The following USP8 variants were observed in gnomAD, a reference collection of about 807,000 sequenced individuals.
USP8 encodes ubiquitin specific peptidase 8, also known as ubiquitin carboxyl-terminal hydrolase 8.
Under a neutral mutation model 130.0 loss-of-function variants are expected in USP8, and 27 were observed. The observed-to-expected ratio is 0.21, with a 90% CI of 0.15 to 0.29. The LOEUF is 0.29. Ranked by LOEUF, USP8 falls within the 10% of genes least tolerant of loss-of-function variation. The pLI is 1.00. For missense variants in USP8, 1,029 were observed against 1,312.2 expected (o/e 0.78, Z 3.33); for synonymous variants, 392 against 444.1 (o/e 0.88, Z 1.48).
At chr15:50,486,939 C>T (rs938293361) in intron 12 of USP8, among the ~76,000 whole-genome samples, 4 of 152,012 alleles carry the variant, frequency 2.6e-5, no homozygotes, top group Non-Finnish European at 5.9e-5. Flanking sequence ...TCGAGACCAG[C>T]CTGGCCAACA....
chr15:50,475,628 G>A (rs2051541818), intron 8 of USP8, among the ~76,000 whole-genome samples: 1 of 151,856 alleles, frequency 6.6e-6, no homozygotes, highest in African/African-American at 2.4e-5. Context: ...TCGAGATGAA[G>A]TCTCACTCTT....
chr15:50,462,214 G>T (rs2051031734), intron 5 of USP8, 66 bp from the exon 6 acceptor site: 3 of 1,366,624 alleles, frequency 2.2e-6, no homozygotes, highest in Admixed American at 2.0e-5. Flanking sequence ...AGAAGTAAAT[G>T]AAGTATTAAA....
chr15:50,474,649 C>A (rs1005126389), intron 8 of USP8, among the ~76,000 whole-genome samples: 2 of 152,132 alleles, frequency 1.3e-5, no homozygotes, highest in African/African-American at 4.8e-5. Context: ...ACTGCCCAGC[C>A]AGTAAATAAA....
intron 17 of USP8, among the ~76,000 whole-genome samples, chr15:50,496,325 C>CA (rs1185405083): frequency 1.3e-5 from 2 of 151,740 alleles, no homozygotes; most frequent in Non-Finnish European, 2.9e-5. Flanking sequence ...ACTAAAAATA[C>CA]AAAAAATTAG....
rs1381398703 is a variant in USP8, at chr15:50,479,763, TTTTC to T, written c.1219-1714_1219-1711del. 7.2e-5 allele frequency among the ~76,000 whole-genome samples: 11 copies of T among 152,094 alleles called. No homozygotes were observed. The South Asian group carries it at 2.3e-3, about 32-fold the overall frequency. ...CTACACTAACCTCGTTTTCTTTTTC[TTTTC>T]TTTTTTTTTTGAAAACGGTCTCACT... On this transcript the variant is annotated intron_variant, in intron 10 of 19. Coordinates refer to ENST00000307179, the MANE Select transcript of USP8 (RefSeq NM_005154.5).
chr15:50,439,240 TA>T, intron 2 of USP8, 63 bp downstream of exon 2: 1 of 1,039,096 alleles, frequency 9.6e-7, no homozygotes, highest in South Asian at 1.9e-5. Flanking sequence ...GTTTCCATAT[TA>T]AAGTTAGATG....
At chr15:50,473,025 C>T (rs1285477892) in intron 8 of USP8, among the ~76,000 whole-genome samples, 5 of 152,052 alleles carry the variant, frequency 3.3e-5, no homozygotes, top group African/African-American at 1.2e-4. Flanking sequence ...AAGAAAAATA[C>T]TTAAGATAAA....
In USP8 at chr15:50,496,094, A is replaced by G. The variant is rs1364037324; in HGVS notation, c.2895+10A>G. 3.2e-6 allele frequency: 5 copies of G among 1,563,286 alleles called. No individual in the cohort carries two copies. The highest frequency in any genetic ancestry group is 4.4e-6 in the Non-Finnish European group (5 of 1,145,220). ...TAAATGTACATTACAGGTAAGTTTA[A>G]GAAGTAGAGAGAAAATGATTTATTG... On this transcript the variant is annotated intron_variant, in intron 17 of 19. Coordinates refer to ENST00000307179, the MANE Select transcript of USP8 (RefSeq NM_005154.5).
intron 10 of USP8, among the ~76,000 whole-genome samples, chr15:50,479,817 G>GGAGT (rs1310132674): frequency 6.6e-6 from 1 of 151,584 alleles, no homozygotes; most frequent in Non-Finnish European, 1.5e-5. Context: ...GGAGTGCAGT[G>GGAGT]GCGTGATCAC....
At chr15:50,496,384 G>T (rs1338002530) in intron 17 of USP8, among the ~76,000 whole-genome samples, 1 of 151,484 alleles carries the variant, frequency 6.6e-6, no homozygotes, top group Non-Finnish European at 1.5e-5. Flanking sequence ...AGGAGGCTGA[G>T]GCAGGAGAAT....
At chr15:50,493,116 CA>C (rs2052241618) in intron 15 of USP8, 1 of 652,764 alleles carries the variant, frequency 1.5e-6, no homozygotes, top group South Asian at 1.5e-5. Flanking sequence ...TTTTTTGCTG[CA>C]TCCTCACAGG....
intron 3 of USP8, among the ~76,000 whole-genome samples, chr15:50,446,365 C>T (rs1004607328): frequency 6.8e-6 from 1 of 146,616 alleles, no homozygotes; most frequent in Non-Finnish European, 1.5e-5. Context: ...ACAGACATGC[C>T]CAACCATAAA....
intron 1 of USP8, chr15:50,432,535 A>G (rs949098690): frequency 6.6e-6 from 1 of 152,172 alleles, no homozygotes; most frequent in South Asian, 2.1e-4. Context: ...TCTGTCACAA[A>G]CTTCTTATTT....
intron 18 of USP8, 76 bp from the exon 19 acceptor site, chr15:50,498,520 A>T: frequency 6.8e-7 from 1 of 1,464,580 alleles, no homozygotes; most frequent in South Asian, 1.6e-5. Context: ...CCTGGCTAAA[A>T]ATCTAGATGT....
chr15:50,440,030 A>C (rs546147652), intron 2 of USP8, among the ~76,000 whole-genome samples: 118 of 152,176 alleles, frequency 7.8e-4, no homozygotes, highest in African/African-American at 2.8e-3. Context: ...CAGTGAGTCA[A>C]GATTGCACCG....
chr15:50,461,128 A>G (rs139316174), intron 5 of USP8, among the ~76,000 whole-genome samples: 1 of 152,042 alleles, frequency 6.6e-6, no homozygotes, highest in African/African-American at 2.4e-5. Context: ...AAGTAACTGG[A>G]ATTATAGGAA....
At chr15:50,474,268 G>T (rs531495866) in intron 8 of USP8, among the ~76,000 whole-genome samples, 178 of 152,266 alleles carry the variant, frequency 1.2e-3, no homozygotes, top group Middle Eastern at 3.4e-3. Flanking sequence ...CTCCCACAGT[G>T]CTGGTATTAC....
chr15:50,497,477 G>T (rs2052461199), intron 18 of USP8: 2 of 332,734 alleles, frequency 6.0e-6, no homozygotes, highest in African/African-American at 2.1e-5. Context: ...TAATTACAAA[G>T]CATCAAGTGA....
Position 50,439,134 on chromosome 15 carries a change from A to C in USP8, c.61A>C (p.Asn21His). The part of the protein sequence containing the change: ...LYLSSSLKDL[N>H]KKTEVKPEKI... ...CCTCAGTTCTTCACTAAAAGACCTT[A>C]ATAAGAAGACAGAAGTTAAACCAGA... Residue 21 changes from asparagine (N) to histidine (H), a missense_variant, in exon 2 of 20, where the codon AAT (asparagine) becomes CAT (histidine). Asn to His is a moderately conservative substitution (Grantham distance 68, BLOSUM62 1). Transcript: ENST00000307179. The C allele has an allele frequency of 6.3e-7, 1 of 1,590,078 alleles. No individual in the cohort carries two copies. The highest frequency in any genetic ancestry group is 1.7e-4 in the Middle Eastern group (1 of 5,952).
Sources: gnomAD v4.1 joint callset for allele counts (sites outside exome capture counted in the v4.1 genomes callset) on GRCh38, gnomAD v4.1.1 for gene constraint, MANE v1.5 for transcripts, NCBI Gene and HGNC (gene_info 2026-07-23, HGNC 2026-07-21) for gene names.